OLA1: variants seen among roughly 807,000 people sequenced by gnomAD.
OLA1 encodes obg-like ATPase 1.
OLA1 carries 14 observed loss-of-function variants against 48.4 expected under a neutral mutation model. The ratio of observed to expected loss-of-function variants is 0.29; its 90% CI spans 0.19 to 0.45. The LOEUF is 0.45. Ranked by LOEUF, OLA1 falls within the 20% of genes least tolerant of loss-of-function variation. The probability of loss-of-function intolerance (pLI) is 1.00; values close to 1 mark genes in which losing one functional copy is unlikely to be tolerated. For missense variants in OLA1, 325 were observed against 467.1 expected (o/e 0.70, Z 2.80); for synonymous variants, 127 against 150.4 (o/e 0.84, Z 1.14).
intron 4 of OLA1, among the ~76,000 whole-genome samples, chr2:174,152,325 C>T (rs1281197953): frequency 2.0e-5 from 3 of 152,082 alleles, no homozygotes; most frequent in African/African-American, 7.2e-5. Context: ...TTGTTTGAAC[C>T]TGGGGAGGTG....
intron 5 of OLA1, among the ~76,000 whole-genome samples, chr2:174,139,855 A>C (rs1686397866): frequency 1.4e-5 from 2 of 139,496 alleles, no homozygotes; most frequent in Non-Finnish European, 3.1e-5. Flanking sequence ...ACAGAGTGAG[A>C]CTCAGTCTCA....
chr2:174,238,042 T>C (rs182111360), intron 2 of OLA1, among the ~76,000 whole-genome samples: 4 of 152,336 alleles, frequency 2.6e-5, no homozygotes, highest in Admixed American at 1.3e-4. Flanking sequence ...TATGCAGCAC[T>C]TGTCTGTAAT....
At chr2:174,145,626 T>TA (rs888867222) in intron 4 of OLA1, among the ~76,000 whole-genome samples, 4 of 151,992 alleles carry the variant, frequency 2.6e-5, no homozygotes, top group Non-Finnish European at 4.4e-5. Context: ...TTCTAAAGAG[T>TA]AAAAAAAATT....
At chr2:174,181,977 A>C (rs765069457) in intron 4 of OLA1, among the ~76,000 whole-genome samples, 1 of 152,164 alleles carries the variant, frequency 6.6e-6, no homozygotes, top group African/African-American at 2.4e-5. Context: ...TTTGTTCACT[A>C]TCATATCCTT....
At chr2:174,233,300 T>C (rs1438551123) in intron 2 of OLA1, among the ~76,000 whole-genome samples, 1 of 152,174 alleles carries the variant, frequency 6.6e-6, no homozygotes, top group Admixed American at 6.5e-5. Flanking sequence ...TAGAGATCTG[T>C]TATACAACAA....
chr2:174,135,738 G>A (rs1343010619), intron 5 of OLA1, among the ~76,000 whole-genome samples: 1 of 152,112 alleles, frequency 6.6e-6, no homozygotes, highest in Non-Finnish European at 1.5e-5. Context: ...AGACCTGAAA[G>A]GACACACAAC....
intron 7 of OLA1, among the ~76,000 whole-genome samples, chr2:174,099,729 A>G (rs75518789): frequency 0.025 from 3,867 of 152,318 alleles, 151 homozygotes; most frequent in African/African-American, 0.087. Flanking sequence ...TTAATGACAT[A>G]TAATAAATAT....
At position 174,075,189 on chromosome 2, in the gene OLA1, T is replaced by TCACG. The variant is rs1684700939; in HGVS notation, c.*236_*237insCGTG. 3 of 397,822 alleles carry TCACG rather than the reference T, an allele frequency of 7.5e-6. No individual in the cohort carries two copies. The allele number at this position is 397,822 out of a possible 1,614,324, so 24.6% of individuals were successfully genotyped here. A position where few individuals can be genotyped will look rare whatever the true frequency, so the allele number is the denominator to read the frequency against. On this transcript the variant is annotated 3_prime_UTR_variant, in exon 11 of 11. Coordinates refer to ENST00000284719, the MANE Select transcript of OLA1 (RefSeq NM_013341.5). ...TATGGTTCCTGAAAAGCTTCTACAA[T>TCACG]TTGGAGTAGGGTCTTAATCACGTGA...
chr2:174,166,106 CAG>C (rs1687157023), intron 4 of OLA1, among the ~76,000 whole-genome samples: 1 of 141,502 alleles, frequency 7.1e-6, no homozygotes, highest in African/African-American at 2.7e-5. Context: ...GCCTGGGCAA[CAG>C]AGTGAGACTC....
chr2:174,119,724 TATA>T (rs1212950179), intron 7 of OLA1, among the ~76,000 whole-genome samples: 1 of 152,136 alleles, frequency 6.6e-6, no homozygotes, highest in Non-Finnish European at 1.5e-5. Context: ...TGAATCATGG[TATA>T]ATAAGAATAA....
At chr2:174,209,904 A>G (rs1309400057) in intron 4 of OLA1, among the ~76,000 whole-genome samples, 2 of 152,224 alleles carry the variant, frequency 1.3e-5, no homozygotes, top group Non-Finnish European at 2.9e-5. Context: ...TTCACTTCAG[A>G]ATTGTTTATA....
chr2:174,193,573 T>C (rs952570907), intron 4 of OLA1, among the ~76,000 whole-genome samples: 2 of 152,206 alleles, frequency 1.3e-5, no homozygotes, highest in Non-Finnish European at 2.9e-5. Context: ...AGGCCTTTAC[T>C]GAAGGGTTAG....
intron 7 of OLA1, among the ~76,000 whole-genome samples, chr2:174,115,567 G>A (rs1183813606): frequency 3.3e-5 from 5 of 152,230 alleles, no homozygotes; most frequent in Middle Eastern, 3.4e-3. Flanking sequence ...AAACATATAC[G>A]TTTTTTCAAG....
intron 4 of OLA1, among the ~76,000 whole-genome samples, chr2:174,181,977 A>G (rs765069457): frequency 4.6e-5 from 7 of 152,164 alleles, no homozygotes; most frequent in Admixed American, 2.6e-4. Flanking sequence ...TTTGTTCACT[A>G]TCATATCCTT....
At chr2:174,145,594 G>C (rs545099095) in intron 4 of OLA1, among the ~76,000 whole-genome samples, 1 of 152,254 alleles carries the variant, frequency 6.6e-6, no homozygotes, top group East Asian at 1.9e-4. Flanking sequence ...TTTCTCAACA[G>C]AGCAAGCCTT....
intron 7 of OLA1, among the ~76,000 whole-genome samples, chr2:174,090,501 A>G (rs1340474634): frequency 6.6e-6 from 1 of 152,252 alleles, no homozygotes; most frequent in East Asian, 1.9e-4. Context: ...CATGTGAACC[A>G]GTTCTAATCA....
At chr2:174,230,822 C>A (rs1352960139) in intron 2 of OLA1, among the ~76,000 whole-genome samples, 1 of 152,146 alleles carries the variant, frequency 6.6e-6, no homozygotes, top group African/African-American at 2.4e-5. Flanking sequence ...CCAACCAGAA[C>A]TAGAAAAGCC....
At chr2:174,167,975 T>C (rs1044999990) in intron 4 of OLA1, among the ~76,000 whole-genome samples, 1 of 152,036 alleles carries the variant, frequency 6.6e-6, no homozygotes, top group East Asian at 1.9e-4. Context: ...ACAGACAAGA[T>C]ACAAAAAGCA....
At chr2:174,183,032 C>G (rs776493058) in intron 4 of OLA1, among the ~76,000 whole-genome samples, 5 of 152,078 alleles carry the variant, frequency 3.3e-5, no homozygotes, top group Non-Finnish European at 5.9e-5. Context: ...TTAAGTGGCT[C>G]CATACGATCT....
Sources: allele counts gnomAD v4.1 joint callset (sites outside exome capture counted in the v4.1 genomes callset), GRCh38; gene constraint gnomAD v4.1.1; transcripts MANE v1.5; gene names NCBI Gene and HGNC (gene_info 2026-07-23, HGNC 2026-07-21).